Variants in JMJD1C observed in about 807,000 individuals in gnomAD.
The protein encoded by JMJD1C is jumonji domain containing 1C.
A neutral mutation model predicts 245.3 loss-of-function variants in JMJD1C; 31 were observed. The observed-to-expected ratio is 0.13, with a 90% CI of 0.09 to 0.17. The LOEUF (loss-of-function observed/expected upper bound fraction) is 0.17, where lower values mean the gene tolerates loss of function less well. Among genes scored for constraint, JMJD1C ranks in the 10% least tolerant of loss-of-function variants. The pLI is 1.00. For missense variants in JMJD1C, 2,691 were observed against 3,000.2 expected (o/e 0.90, Z 2.41); for synonymous variants, 1,057 against 1,017.4 (o/e 1.04, Z -0.74).
chr10:63,437,137 A>G (rs1951101194), intron 1 of JMJD1C, among the ~76,000 whole-genome samples: 1 of 152,186 alleles, frequency 6.6e-6, no homozygotes, highest in Non-Finnish European at 1.5e-5. Context: ...TCTGTATCTA[A>G]TCAATCAGCT....
chr10:63,383,570 T>C (rs1037094402), intron 1 of JMJD1C, among the ~76,000 whole-genome samples: 4 of 152,066 alleles, frequency 2.6e-5, no homozygotes, highest in Non-Finnish European at 4.4e-5. Context: ...CATGGTGGCA[T>C]GTGCCTATGG....
intron 2 of JMJD1C, among the ~76,000 whole-genome samples, chr10:63,280,998 C>T (rs1238519208): frequency 2.0e-5 from 3 of 150,928 alleles, no homozygotes; most frequent in Non-Finnish European, 4.4e-5. Context: ...TGCTGTGTCG[C>T]CCAGGATGGA....
At chr10:63,469,793 A>G (rs1236901704), upstream of JMJD1C, among the ~76,000 whole-genome samples, 1 of 152,204 alleles carries the variant, frequency 6.6e-6, no homozygotes, top group Non-Finnish European at 1.5e-5. Flanking sequence ...ATATATAGAT[A>G]GGGCTAAGAA....
chr10:63,352,972 C>T (rs1944492307), intron 2 of JMJD1C, among the ~76,000 whole-genome samples: 1 of 152,096 alleles, frequency 6.6e-6, no homozygotes, highest in South Asian at 2.1e-4. Context: ...GTATTGTTCA[C>T]AACACTGAAC....
intron 1 of JMJD1C, among the ~76,000 whole-genome samples, chr10:63,456,332 T>C (rs1206247276): frequency 4.6e-5 from 7 of 152,126 alleles, no homozygotes; most frequent in East Asian, 1.9e-4. Context: ...ATTCAACACA[T>C]TGGAATAGTT....
chr10:63,285,728 A>G (rs1001040875), intron 2 of JMJD1C, among the ~76,000 whole-genome samples: 2 of 152,164 alleles, frequency 1.3e-5, no homozygotes, highest in Admixed American at 6.5e-5. Flanking sequence ...GAATCACCTG[A>G]GCCCAGGAGT....
At chr10:63,448,381 T>C (rs1276765229) in intron 1 of JMJD1C, among the ~76,000 whole-genome samples, 1 of 152,130 alleles carries the variant, frequency 6.6e-6, no homozygotes, top group African/African-American at 2.4e-5. Context: ...GCTCTCGAAC[T>C]CCTGACCTCA....
At chr10:63,419,579 C>T (rs1366799925) in intron 1 of JMJD1C, among the ~76,000 whole-genome samples, 2 of 151,958 alleles carry the variant, frequency 1.3e-5, no homozygotes, top group Non-Finnish European at 2.9e-5. Context: ...GTGGCTTCTA[C>T]AGAATAGATC....
chr10:63,412,177 C>G (rs1949525815), intron 1 of JMJD1C, among the ~76,000 whole-genome samples: 1 of 152,070 alleles, frequency 6.6e-6, no homozygotes, highest in Non-Finnish European at 1.5e-5. Flanking sequence ...TTTTGACTCC[C>G]CATAAAATTA....
At position 63,201,449 on chromosome 10, in the gene JMJD1C, G is replaced by GA. The variant is rs558563719; in HGVS notation, c.5075-773dup. Among the ~76,000 whole-genome samples, 438 of 150,864 alleles carry GA rather than the reference G, an allele frequency of 2.9e-3. 2 individuals carry two copies. Among genetic ancestry groups the GA allele is most frequent in the Non-Finnish European group, 5.0e-3 (341 of 67,666 alleles). On this transcript the variant is annotated intron_variant, in intron 10 of 25. Coordinates refer to ENST00000399262, the MANE Select transcript of JMJD1C (RefSeq NM_032776.3). ...TAATGCATTATACAGTCTAATATGTGAAAAAAAAATCAACTTATTTACATA... is the reference window on the plus strand; with the variant it reads ...TAATGCATTATACAGTCTAATATGTGAAAAAAAAAATCAACTTATTTACATA...
At chr10:63,198,437 T>G in intron 12 of JMJD1C, 76 bp downstream of exon 12, 1 of 909,154 alleles carries the variant, frequency 1.1e-6, no homozygotes, top group Admixed American at 2.3e-5. Context: ...ATTAGGGACT[T>G]CTTTCACAAA....
At chr10:63,209,338 G>C (rs557876004) in intron 8 of JMJD1C, 103 bp from the exon 9 acceptor site, 1 of 859,842 alleles carries the variant, frequency 1.2e-6, no homozygotes, top group East Asian at 3.1e-5. Flanking sequence ...TGGTTTATTA[G>C]TTCATTCAAA....
chr10:63,175,841 T>G lies in JMJD1C; in HGVS notation c.7401+456A>C, dbSNP rs554665661. Among the ~76,000 whole-genome samples the G allele has an allele frequency of 2.0e-5, 3 of 152,338 alleles. No homozygotes were observed. The East Asian group carries it at 5.8e-4, about 29-fold the overall frequency. On this transcript the variant is annotated intron_variant, in intron 24 of 25. Transcript: ENST00000399262. ...AATTAGGTATTTTAAACTAGGTATT[T>G]ATTTTAGTTTTTATGTTTTGTGGAT... is the stretch of plus-strand genomic sequence containing the variant.
intron 1 of JMJD1C, among the ~76,000 whole-genome samples, chr10:63,499,603 A>G (rs1043162457): frequency 2.0e-5 from 3 of 152,200 alleles, no homozygotes; most frequent in Non-Finnish European, 4.4e-5. Context: ...GAAAAACAAC[A>G]GTTTAGAGAA....
chr10:63,407,683 T>A, intron 1 of JMJD1C, among the ~76,000 whole-genome samples: 5 of 141,648 alleles, frequency 3.5e-5, no homozygotes, highest in South Asian at 2.2e-4. Context: ...TAGGGAAAAA[T>A]GACAGGAAGA....
chr10:63,496,669 G>A (rs1377911992), intron 1 of JMJD1C, among the ~76,000 whole-genome samples: 1 of 152,082 alleles, frequency 6.6e-6, no homozygotes, highest in Non-Finnish European at 1.5e-5. Context: ...AATCATTTGT[G>A]TCTCCTTCTA....
chr10:63,451,198 C>G (rs1312996589), intron 1 of JMJD1C, among the ~76,000 whole-genome samples: 1 of 152,192 alleles, frequency 6.6e-6, no homozygotes, highest in Non-Finnish European at 1.5e-5. Context: ...GATATCAGCA[C>G]TACCCAAAGC....
At chr10:63,185,168 T>A (rs1843981547) in intron 20 of JMJD1C, among the ~76,000 whole-genome samples, 1 of 152,198 alleles carries the variant, frequency 6.6e-6, no homozygotes, top group African/African-American at 2.4e-5. Flanking sequence ...TCTCACTCTG[T>A]CACCCAGGCT....
chr10:63,461,077 C>T (rs1180356479), intron 1 of JMJD1C, among the ~76,000 whole-genome samples: 5 of 152,122 alleles, frequency 3.3e-5, no homozygotes, highest in Non-Finnish European at 7.4e-5. Context: ...CGATCATCAC[C>T]TTCTTTTAAA....
Sources: gnomAD v4.1 joint callset for allele counts (sites outside exome capture counted in the v4.1 genomes callset) on GRCh38, gnomAD v4.1.1 for gene constraint, MANE v1.5 for transcripts, NCBI Gene and HGNC (gene_info 2026-07-23, HGNC 2026-07-21) for gene names.